ZBTB38: variants seen among roughly 807,000 people sequenced by gnomAD.
ZBTB38 encodes zinc finger and BTB domain-containing protein 38.
ZBTB38 carries 20 observed loss-of-function variants against 76.8 expected under a neutral mutation model. The observed-to-expected ratio is 0.26, with a 90% CI of 0.18 to 0.38. ZBTB38 has a LOEUF of 0.38. ZBTB38 is among the 10% of genes least tolerant of loss of function. The pLI, the probability that ZBTB38 is intolerant of heterozygous loss-of-function variation, is 1.00. For synonymous variants in ZBTB38, 504 were observed against 544.2 expected (o/e 0.93, Z 1.03); for missense variants, 1,082 against 1,482.3 (o/e 0.73, Z 4.43).
At chr3:141,341,391 C>T (rs1302578215) in intron 1 of ZBTB38, among the ~76,000 whole-genome samples, 2 of 152,194 alleles carry the variant, frequency 1.3e-5, no homozygotes, top group African/African-American at 4.8e-5. Flanking sequence ...TTCATACCAG[C>T]ATTATTCATA....
At chr3:141,402,355 T>G (rs1952373304) in intron 4 of ZBTB38, 3 of 151,410 alleles carry the variant, frequency 2.0e-5, no homozygotes, top group Admixed American at 2.0e-4. Context: ...GTCCATTTTC[T>G]GGGCGGTGCT....
rs575532971 is a variant in ZBTB38 at position 141,390,333 on chromosome 3, C to A, written c.-106+3396C>A. 2.0e-5 allele frequency among the ~76,000 whole-genome samples: 3 copies of A among 152,326 alleles called. No homozygotes were observed. In the East Asian group the frequency reaches 5.8e-4, roughly 29 times the overall value. ...GGTATTTTTACTGGGCAGGCCAGAGCAGGTGTGACAGCAAGACTGTGCAAA... is the reference window on the plus strand; with the variant it reads ...GGTATTTTTACTGGGCAGGCCAGAGAAGGTGTGACAGCAAGACTGTGCAAA... On this transcript the variant is annotated intron_variant, in intron 4 of 5. Coordinates refer to ENST00000321464, the MANE Select transcript of ZBTB38 (RefSeq NM_001376113.1).
At chr3:141,423,661 G>T (rs1186505157) in intron 5 of ZBTB38, among the ~76,000 whole-genome samples, 1 of 152,156 alleles carries the variant, frequency 6.6e-6, no homozygotes, top group African/African-American at 2.4e-5. Flanking sequence ...ACAGTTCCCG[G>T]TAATTTAATC....
chr3:141,414,124 T>C (rs2073355225), intron 5 of ZBTB38, among the ~76,000 whole-genome samples: 1 of 152,186 alleles, frequency 6.6e-6, no homozygotes, highest in South Asian at 2.1e-4. Flanking sequence ...TAGACTAAGA[T>C]CTAAAACTCA....
chr3:141,345,653 G>A (rs1372932597), intron 1 of ZBTB38, among the ~76,000 whole-genome samples: 1 of 152,072 alleles, frequency 6.6e-6, no homozygotes, highest in Admixed American at 6.5e-5. Context: ...GCTTCCCTGT[G>A]TTGGCATATT....
chr3:141,341,762 C>T (rs570569984), intron 1 of ZBTB38, among the ~76,000 whole-genome samples: 1 of 152,298 alleles, frequency 6.6e-6, no homozygotes, highest in South Asian at 2.1e-4. Context: ...GACACAGCCA[C>T]CAAACACAGT....
chr3:141,427,171 T>C (rs2068522886), intron 5 of ZBTB38, among the ~76,000 whole-genome samples: 2 of 152,204 alleles, frequency 1.3e-5, no homozygotes, highest in African/African-American at 4.8e-5. Context: ...ATTCATTCAG[T>C]AAAGGTTTAT....
intron 4 of ZBTB38, among the ~76,000 whole-genome samples, chr3:141,390,283 G>C (rs1462295502): frequency 1.3e-5 from 2 of 152,170 alleles, no homozygotes; most frequent in East Asian, 3.8e-4. Flanking sequence ...AAGCTATCCT[G>C]AACCCATTTA....
At position 141,442,445 on chromosome 3, in the gene ZBTB38, A is replaced by G. The variant is rs1269245346; in HGVS notation, c.57A>G (p.Val19=). 1.2e-6 allele frequency: 2 copies of G among 1,614,142 alleles called. No individual in the cohort carries two copies. The highest frequency in any genetic ancestry group is 1.7e-6 in the Non-Finnish European group (2 of 1,180,028). ...AGGACGACTTTCACAGTGACACGGT[A>G]CTCTCCATCTTAAATGAGCAGCGCA... ...DLKDDFHSDT[V]LSILNEQRIR... Residue 19 remains valine (V), a synonymous_variant, in exon 6 of 6, where the codon GTA becomes GTG. Transcript: ENST00000321464. The surrounding 1 kb of genome is among the most constrained non-coding windows in gnomAD (Gnocchi z 6.4).
intron 4 of ZBTB38, among the ~76,000 whole-genome samples, chr3:141,390,227 C>A (rs1948435975): frequency 6.6e-6 from 1 of 152,134 alleles, no homozygotes; most frequent in Admixed American, 6.5e-5. Flanking sequence ...GAAAATGCTT[C>A]TTGATGATTG....
At chr3:141,406,391 G>A (rs974094553) in intron 5 of ZBTB38, among the ~76,000 whole-genome samples, 4 of 152,336 alleles carry the variant, frequency 2.6e-5, no homozygotes, top group African/African-American at 7.2e-5. Context: ...AGGAATAGAT[G>A]CAAAGGGAAG....
chr3:141,418,635 A>G (rs1285890756), intron 5 of ZBTB38, among the ~76,000 whole-genome samples: 2 of 152,260 alleles, frequency 1.3e-5, no homozygotes, highest in African/African-American at 4.8e-5. Flanking sequence ...GAATTATTGT[A>G]CTGATACTGC....
intron 5 of ZBTB38, chr3:141,426,115 C>T (rs1559952611): frequency 3.9e-6 from 5 of 1,288,186 alleles, no homozygotes; most frequent in South Asian, 1.2e-5. Context: ...CACTTTAAAG[C>T]AGTTCTCAGA....
At chr3:141,337,975 A>G (rs1943063960) in intron 1 of ZBTB38, among the ~76,000 whole-genome samples, 1 of 152,240 alleles carries the variant, frequency 6.6e-6, no homozygotes, top group Non-Finnish European at 1.5e-5. Flanking sequence ...TGTGCTGGAA[A>G]TGGTACCCAG....
intron 3 of ZBTB38, among the ~76,000 whole-genome samples, chr3:141,381,963 A>T (rs1287323585): frequency 6.6e-6 from 1 of 152,246 alleles, no homozygotes; most frequent in Non-Finnish European, 1.5e-5. Flanking sequence ...TAAAGCAGTA[A>T]ATTTGGTTGA....
intron 2 of ZBTB38, among the ~76,000 whole-genome samples, chr3:141,380,156 T>C (rs1418960050): frequency 1.3e-5 from 2 of 152,260 alleles, no homozygotes; most frequent in African/African-American, 4.8e-5. Context: ...TTACTCTCTT[T>C]GAACCTAATT....
intron 5 of ZBTB38, among the ~76,000 whole-genome samples, chr3:141,409,008 A>G (rs191676847): frequency 1.5e-4 from 23 of 152,250 alleles, no homozygotes; most frequent in South Asian, 6.2e-4. Flanking sequence ...AAGAAACTCA[A>G]CTACAGCCAA....
intron 1 of ZBTB38, among the ~76,000 whole-genome samples, chr3:141,334,302 C>T (rs895533061): frequency 6.6e-6 from 1 of 151,738 alleles, no homozygotes; most frequent in Admixed American, 6.6e-5. Flanking sequence ...CTCTCTGAGG[C>T]ATCTTCTCAT....
chr3:141,415,859 C>T (rs1479086792), intron 5 of ZBTB38, among the ~76,000 whole-genome samples: 2 of 152,198 alleles, frequency 1.3e-5, no homozygotes, highest in Admixed American at 6.5e-5. Flanking sequence ...CCCCACTGAC[C>T]TTCTGGCCTT....
Sources: allele counts gnomAD v4.1 joint callset (sites outside exome capture counted in the v4.1 genomes callset), GRCh38; gene constraint gnomAD v4.1.1; non-coding constraint Gnocchi (gnomAD v3.1); transcripts MANE v1.5; gene names NCBI Gene and HGNC (gene_info 2026-07-23, HGNC 2026-07-21).